Variants in PPP6R3 observed in about 807,000 individuals in gnomAD.
PPP6R3 encodes protein phosphatase 6 regulatory subunit 3, also known as serine/threonine-protein phosphatase 6 regulatory subunit 3.
A neutral mutation model predicts 110.7 loss-of-function variants in PPP6R3; 38 were observed. The ratio of observed to expected loss-of-function variants is 0.34; its 90% CI spans 0.26 to 0.45. The LOEUF is 0.45. Among genes scored for constraint, PPP6R3 ranks in the 20% least tolerant of loss-of-function variants. PPP6R3 has a pLI of 1.00. For synonymous variants in PPP6R3, 369 were observed against 373.5 expected (o/e 0.99, Z 0.14); for missense variants, 870 against 1,062.4 (o/e 0.82, Z 2.52).
chr11:68,561,601 C>T (rs551193128), intron 8 of PPP6R3, among the ~76,000 whole-genome samples: 4 of 152,306 alleles, frequency 2.6e-5, no homozygotes, highest in Admixed American at 1.3e-4. Flanking sequence ...ATGCAAGGCT[C>T]ATTCATCCTT....
intron 3 of PPP6R3, among the ~76,000 whole-genome samples, chr11:68,538,655 TCTTTTC>T: frequency 6.6e-6 from 1 of 152,238 alleles, no homozygotes; most frequent in Non-Finnish European, 1.5e-5. Context: ...TTTTCAGACA[TCTTTTC>T]CTTTCGTCTT....
chr11:68,553,681 C>G (rs1023016951), intron 6 of PPP6R3, among the ~76,000 whole-genome samples: 2 of 152,008 alleles, frequency 1.3e-5, no homozygotes, highest in African/African-American at 4.8e-5. Flanking sequence ...TTGAGTATCC[C>G]TTATCTGAAA....
chr11:68,524,783 C>T (rs2099187524), intron 2 of PPP6R3, among the ~76,000 whole-genome samples: 1 of 152,188 alleles, frequency 6.6e-6, no homozygotes, highest in South Asian at 2.1e-4. Flanking sequence ...GTTTTCTGTG[C>T]ATTTTGACAA....
chr11:68,567,724 T>C (rs979207480), intron 10 of PPP6R3, among the ~76,000 whole-genome samples: 1 of 152,194 alleles, frequency 6.6e-6, no homozygotes, highest in African/African-American at 2.4e-5. Flanking sequence ...CTGGAGCCCA[T>C]GCTTCTTCTC....
intron 1 of PPP6R3, among the ~76,000 whole-genome samples, chr11:68,495,149 C>T (rs753415583): frequency 3.2e-4 from 49 of 152,262 alleles, no homozygotes; most frequent in Non-Finnish European, 5.3e-4. Flanking sequence ...ACTGTGTTAC[C>T]TGGATCAGTT....
chr11:68,556,704 TAATTA>T (rs2099400962), intron 7 of PPP6R3, among the ~76,000 whole-genome samples: 1 of 152,234 alleles, frequency 6.6e-6, no homozygotes, highest in South Asian at 2.1e-4. Flanking sequence ...TTCTCGCATG[TAATTA>T]AATATCTTTT....
At chr11:68,609,671 C>A in intron 22 of PPP6R3, 3 of 1,564,552 alleles carry the variant, frequency 1.9e-6, no homozygotes, top group Non-Finnish European at 1.7e-6. Flanking sequence ...AGACGCCAGC[C>A]ACATTACATT....
chr11:68,519,903 G>A (rs951198705), intron 2 of PPP6R3, among the ~76,000 whole-genome samples: 13 of 152,090 alleles, frequency 8.5e-5, no homozygotes, highest in African/African-American at 2.9e-4. Flanking sequence ...TGAGAGGGGC[G>A]CCAATGACCA....
At chr11:68,523,195 T>G (rs78114902) in intron 2 of PPP6R3, among the ~76,000 whole-genome samples, 1 of 152,220 alleles carries the variant, frequency 6.6e-6, no homozygotes. Context: ...CTCTTCAGTG[T>G]GGTCAGATAC....
In PPP6R3 at chr11:68,595,964, C is replaced by T. The variant is rs569802028; in HGVS notation, c.1917-133C>T. The T allele has an allele frequency of 5.4e-5, 62 of 1,142,022 alleles. No homozygotes were observed. The African/African-American group carries it at 7.1e-4, about 13-fold the overall frequency. 70.7% of individuals were successfully genotyped at this position (1,142,022 alleles called of 1,614,324 possible). A position where few individuals can be genotyped will look rare whatever the true frequency, so the allele number is the denominator to read the frequency against. ...TGAGTCTTCCCGGGCATCCTGACCA[C>T]GTGGTGCTCAGACAGATGTGATCCT... is the stretch of plus-strand genomic sequence containing the variant. On this transcript the variant is annotated intron_variant, in intron 18 of 23. Transcript: ENST00000393800.
At chr11:68,497,375 A>G (rs2099023847) in intron 1 of PPP6R3, among the ~76,000 whole-genome samples, 2 of 148,400 alleles carry the variant, frequency 1.3e-5, no homozygotes, top group African/African-American at 5.0e-5. Flanking sequence ...GTCTTTTGAG[A>G]CAGGGTTTCA....
intron 18 of PPP6R3, among the ~76,000 whole-genome samples, chr11:68,594,272 G>C (rs931285073): frequency 2.9e-5 from 4 of 137,020 alleles, no homozygotes; most frequent in Non-Finnish European, 6.4e-5. Context: ...GGGGGAGAGA[G>C]AGAGAGAGAG....
chr11:68,514,121 T>A (rs547509144), intron 1 of PPP6R3, among the ~76,000 whole-genome samples: 1 of 152,344 alleles, frequency 6.6e-6, no homozygotes, highest in South Asian at 2.1e-4. Context: ...TGGAGTGCAG[T>A]GGCGTGATCA....
At chr11:68,472,322 T>C (rs150347612) in intron 1 of PPP6R3, among the ~76,000 whole-genome samples, 1 of 152,250 alleles carries the variant, frequency 6.6e-6, no homozygotes, top group Non-Finnish European at 1.5e-5. Flanking sequence ...CATTGCAGAC[T>C]GAATATGTCT....
At chr11:68,513,272 G>C (rs548125863) in intron 1 of PPP6R3, among the ~76,000 whole-genome samples, 9 of 152,198 alleles carry the variant, frequency 5.9e-5, no homozygotes, top group Admixed American at 5.9e-4. Context: ...TATCTTACCA[G>C]TTCTGTCTTG....
intron 19 of PPP6R3, among the ~76,000 whole-genome samples, chr11:68,599,434 G>A (rs921491393): frequency 3.9e-5 from 6 of 152,242 alleles, no homozygotes; most frequent in African/African-American, 1.4e-4. Context: ...CAGACCGTAA[G>A]TGTGCTCAAG....
At chr11:68,562,064 A>C (rs895762273) in intron 8 of PPP6R3, among the ~76,000 whole-genome samples, 3 of 151,688 alleles carry the variant, frequency 2.0e-5, no homozygotes, top group Non-Finnish European at 4.4e-5. Flanking sequence ...AAAAAAAAAA[A>C]CGCATACTCC....
Position 68,503,086 on chromosome 11 carries a change from GGCGCACACCACCAC to G in PPP6R3, c.-157-16412_-157-16399del, listed in dbSNP as rs568405707. Reference sequence around the variant, plus strand: ...AGCCTCCCGAGTACCTGGGACTACAGGCGCACACCACCACGCCTGGCTAATTTTTGTATTTTTTA... The same window carrying G: ...AGCCTCCCGAGTACCTGGGACTACAGGCCTGGCTAATTTTTGTATTTTTTA... On this transcript the variant is annotated intron_variant, in intron 1 of 23. Transcript: ENST00000393800. 2.7e-3 allele frequency among the ~76,000 whole-genome samples: 408 copies of G among 152,218 alleles called. 3 individuals are homozygous for G. Among genetic ancestry groups the G allele is most frequent in the African/African-American group, 9.4e-3 (392 of 41,520 alleles).
At chr11:68,466,671 G>T (rs927651738) in intron 1 of PPP6R3, among the ~76,000 whole-genome samples, 9 of 151,894 alleles carry the variant, frequency 5.9e-5, no homozygotes, top group Non-Finnish European at 1.2e-4. Context: ...GGAGTGCAGT[G>T]GCGCTATCTC....
Sources: gnomAD v4.1 joint callset for allele counts (sites outside exome capture counted in the v4.1 genomes callset) on GRCh38, gnomAD v4.1.1 for gene constraint, MANE v1.5 for transcripts, NCBI Gene and HGNC (gene_info 2026-07-23, HGNC 2026-07-21) for gene names.